DHRSX: variants seen among roughly 807,000 people sequenced by gnomAD.
The protein encoded by DHRSX is polyprenol dehydrogenase.
In DHRSX, 31 loss-of-function variants were observed where a neutral mutation model predicts 34.0. The ratio of observed to expected loss-of-function variants is 0.91; its 90% CI spans 0.69 to 1.23. The LOEUF is 1.23. Ranked by LOEUF, DHRSX falls within the 50% of genes most tolerant of loss-of-function variation. The probability of loss-of-function intolerance (pLI) is 0.00; values close to 1 mark genes in which losing one functional copy is unlikely to be tolerated. For synonymous variants in DHRSX, 201 were observed against 183.8 expected (o/e 1.09, Z -0.76); for missense variants, 414 against 428.1 (o/e 0.97, Z 0.29).
chrX:2,471,984 A>G (rs111561609), intron 1 of DHRSX, among the ~76,000 whole-genome samples: 31,197 of 151,636 alleles, frequency 0.21, 4,300 homozygotes, highest in African/African-American at 0.39. Context: ...CGTCTCTACT[A>G]AAAATACAAA....
At chrX:2,250,412 C>T in intron 5 of DHRSX, among the ~76,000 whole-genome samples, 1 of 152,122 alleles carries the variant, frequency 6.6e-6, no homozygotes, top group East Asian at 1.9e-4. Context: ...GATGGAGCAT[C>T]CCGAGAGCTG....
intron 3 of DHRSX, among the ~76,000 whole-genome samples, chrX:2,362,130 G>A (rs1239087312): frequency 6.6e-6 from 1 of 152,184 alleles, no homozygotes; most frequent in Non-Finnish European, 1.5e-5. Context: ...GAGCCCTAGA[G>A]AGAGTGGGGT....
chrX:2,325,812 G>A lies in DHRSX; in HGVS notation c.287-34209C>T, dbSNP rs185267562. Among the ~76,000 whole-genome samples, 167 of 151,766 alleles carry A rather than the reference G, an allele frequency of 1.1e-3. 1 individual carries two copies. The highest frequency in any genetic ancestry group is 1.5e-3 in the Non-Finnish European group (104 of 67,966). On this transcript the variant is annotated intron_variant, in intron 3 of 6. Coordinates refer to ENST00000334651, the MANE Select transcript of DHRSX (RefSeq NM_145177.3). ...CATTTGGTGCCAGCTGGTCCTTTCC[G>A]CTCGGAGACCCCTTTCTCTATAGAG...
intron 5 of DHRSX, 147 bp from the exon 6 acceptor site, chrX:2,243,377 C>G: frequency 3.1e-6 from 2 of 643,594 alleles, no homozygotes; most frequent in South Asian, 4.1e-5. Context: ...CATCTGTTGG[C>G]CAGTTTTCCA....
intron 1 of DHRSX, among the ~76,000 whole-genome samples, chrX:2,463,679 T>C (rs2044434851): frequency 6.6e-6 from 1 of 152,026 alleles, no homozygotes; most frequent in Non-Finnish European, 1.5e-5. Flanking sequence ...GTCAGGACGC[T>C]GGCTGGAGAA....
intron 5 of DHRSX, among the ~76,000 whole-genome samples, chrX:2,245,166 GCTCA>G: frequency 6.6e-6 from 1 of 152,256 alleles, no homozygotes; most frequent in East Asian, 1.9e-4. Flanking sequence ...TCACCCCTGT[GCTCA>G]CTGAGATAGA....
At chrX:2,222,945 A>T (rs1281980235) in intron 6 of DHRSX, among the ~76,000 whole-genome samples, 1 of 152,200 alleles carries the variant, frequency 6.6e-6, no homozygotes, top group Non-Finnish European at 1.5e-5. Flanking sequence ...GTAGAGGAAC[A>T]GAGCTGCCAG....
At chrX:2,348,780 G>A (rs190656038) in intron 3 of DHRSX, among the ~76,000 whole-genome samples, 1,759 of 151,468 alleles carry the variant, frequency 0.012, 26 homozygotes, top group African/African-American at 0.035. Context: ...GGCAACCTCC[G>A]CCTCCCAGGT....
chrX:2,339,619 T>C (rs1313307248), intron 3 of DHRSX, among the ~76,000 whole-genome samples: 4 of 152,118 alleles, frequency 2.6e-5, no homozygotes, highest in Middle Eastern at 6.3e-3. Flanking sequence ...AGCTTCCACG[T>C]ATCAGTGACA....
intron 1 of DHRSX, among the ~76,000 whole-genome samples, chrX:2,429,995 G>T (rs1289419896): frequency 6.6e-6 from 1 of 152,132 alleles, no homozygotes; most frequent in South Asian, 2.1e-4. Flanking sequence ...AAAAAGGTAG[G>T]GGAAGAGACA....
chrX:2,490,453 G>C (rs2045106971), intron 1 of DHRSX: 1 of 1,613,844 alleles, frequency 6.2e-7, no homozygotes, highest in Admixed American at 1.7e-5. Flanking sequence ...CGGTGGCGAA[G>C]GCTTCACGCA....
At chrX:2,284,263 T>C (rs1370985175) in intron 4 of DHRSX, among the ~76,000 whole-genome samples, 1 of 152,170 alleles carries the variant, frequency 6.6e-6, no homozygotes, top group Non-Finnish European at 1.5e-5. Context: ...CATTCATTCC[T>C]TAGAATTAAT....
In DHRSX at chrX:2,360,762, A is replaced by G. The variant is rs144639405; in HGVS notation, c.286+47983T>C. Among the ~76,000 whole-genome samples, 173 of 152,088 alleles carry G rather than the reference A, an allele frequency of 1.1e-3. No homozygotes were observed. In the East Asian group the frequency reaches 0.031, roughly 27 times the overall value. On this transcript the variant is annotated intron_variant, in intron 3 of 6. Coordinates refer to ENST00000334651, the MANE Select transcript of DHRSX (RefSeq NM_145177.3). ...CTCTTGGTGGAGTTGGTACCGAGAC[A>G]CGGCCCGATGTGGGCAGATGCTTAG...
chrX:2,288,811 C>A (rs1034039235), intron 4 of DHRSX, among the ~76,000 whole-genome samples: 2 of 152,122 alleles, frequency 1.3e-5, no homozygotes, highest in African/African-American at 2.4e-5. Context: ...ACAACAAGAC[C>A]CTTTTGATTC....
chrX:2,416,377 G>A (rs5982769), intron 2 of DHRSX, among the ~76,000 whole-genome samples: 2,132 of 152,172 alleles, frequency 0.014, 43 homozygotes, highest in African/African-American at 0.049. Context: ...CCTGAGGACT[G>A]TACAAGAGAT....
chrX:2,346,704 G>T (rs965536182), intron 3 of DHRSX, among the ~76,000 whole-genome samples: 2 of 151,778 alleles, frequency 1.3e-5, no homozygotes, highest in Non-Finnish European at 2.9e-5. Flanking sequence ...TGCAGAACAT[G>T]CAGGTTACAT....
intron 1 of DHRSX, among the ~76,000 whole-genome samples, chrX:2,432,079 A>T (rs1251947119): frequency 6.6e-6 from 1 of 152,062 alleles, no homozygotes; most frequent in Non-Finnish European, 1.5e-5. Flanking sequence ...CTGTAATCCC[A>T]GCGACTCGGG....
At chrX:2,293,253 GTT>G (rs778290231) in intron 3 of DHRSX, among the ~76,000 whole-genome samples, 139 of 138,984 alleles carry the variant, frequency 1.0e-3, no homozygotes, top group Non-Finnish European at 1.6e-3. Context: ...TGTTAAAGCT[GTT>G]TTTTTTTTTT....
chrX:2,311,370 G>C (rs2042163664), intron 3 of DHRSX, among the ~76,000 whole-genome samples: 1 of 152,094 alleles, frequency 6.6e-6, no homozygotes. Flanking sequence ...GAGCACTTGA[G>C]ATACATCACT....
Sources: allele counts gnomAD v4.1 joint callset (sites outside exome capture counted in the v4.1 genomes callset), GRCh38; gene constraint gnomAD v4.1.1; transcripts MANE v1.5; gene names NCBI Gene and HGNC (gene_info 2026-07-23, HGNC 2026-07-21).